Variants in COL4A6 observed in about 807,000 individuals in gnomAD.
COL4A6 encodes the protein collagen alpha-6(IV) chain.
A neutral mutation model predicts 126.7 loss-of-function variants in COL4A6; 59 were observed. The observed-to-expected ratio is 0.47, with a 90% confidence interval of 0.38 to 0.58. The LOEUF (loss-of-function observed/expected upper bound fraction) is 0.58. Ranked by LOEUF, COL4A6 falls within the 20% of genes least tolerant of loss-of-function variation. The pLI is 0.00. For missense variants in COL4A6, 1,285 were observed against 1,337.3 expected, an observed-to-expected ratio of 0.96 and a Z score of 0.61; for synonymous variants, 547 against 496.6, an observed-to-expected ratio of 1.10 and a Z score of -1.35.
chrX:108,339,645 T>G (rs1278890897), intron 2 of COL4A6, among the ~76,000 whole-genome samples: 1 of 111,459 alleles, frequency 9.0e-6, no homozygotes, highest in East Asian at 2.8e-4. Flanking sequence ...GAACATATTT[T>G]GATCACAGGA....
intron 2 of COL4A6, among the ~76,000 whole-genome samples, chrX:108,401,138 C>T (rs1176389104): frequency 9.0e-6 from 1 of 111,313 alleles, no homozygotes; most frequent in Non-Finnish European, 1.9e-5. Context: ...GTGCTACCTT[C>T]ACTATTTATT....
chrX:108,200,012 A>G (rs868384860), intron 13 of COL4A6, among the ~76,000 whole-genome samples: 1 of 112,048 alleles, frequency 8.9e-6, no homozygotes, highest in African/African-American at 3.2e-5. Flanking sequence ...CAGTACAAGG[A>G]AGATAAGCCT....
chrX:108,156,536 A>G lies in COL4A6; in HGVS notation c.*464T>C. 1 of 136,686 alleles carries G rather than the reference A, an allele frequency of 7.3e-6. No homozygotes were observed. Among genetic ancestry groups the G allele is most frequent in the Non-Finnish European group, 1.5e-5 (1 of 68,437 alleles). The allele number at this position is 136,686 out of a possible 1,213,427, so 11.3% of individuals were successfully genotyped here. On this transcript the variant is annotated 3_prime_UTR_variant, in exon 45 of 45. Coordinates refer to ENST00000334504, the MANE Select transcript of COL4A6 (RefSeq NM_033641.4). The stretch of plus-strand genomic sequence containing the variant: ...AAGAGTGAGGACTTGCTCTGTGCAG[A>G]CTTGAGCCATCCATGAATATTCGGT...
intron 3 of COL4A6, among the ~76,000 whole-genome samples, chrX:108,251,566 C>T (rs1363358100): frequency 8.9e-6 from 1 of 111,820 alleles, no homozygotes; most frequent in Non-Finnish European, 1.9e-5. Context: ...CATATTTGCT[C>T]ATCTGTTCAA....
chrX:108,314,595 C>T (rs952062987), intron 2 of COL4A6, among the ~76,000 whole-genome samples: 1 of 111,926 alleles, frequency 8.9e-6, no homozygotes, highest in Non-Finnish European at 1.9e-5. Flanking sequence ...ATTTATTTTA[C>T]TCCTTTGTAT....
chrX:108,280,264 AAAAGAGAGAAGAATC>A (rs1434384957), intron 3 of COL4A6, among the ~76,000 whole-genome samples: 2 of 111,641 alleles, frequency 1.8e-5, no homozygotes, highest in African/African-American at 6.5e-5. Context: ...AATAAAGAAG[AAAAGAGAGAAGAATC>A]AAATAGACGC....
chrX:108,250,960 T>C (rs932329109), intron 3 of COL4A6, among the ~76,000 whole-genome samples: 3 of 111,354 alleles, frequency 2.7e-5, no homozygotes, highest in Middle Eastern at 4.3e-3. Flanking sequence ...AACTGTTCAG[T>C]GGCTGGCAGG....
chrX:108,206,620 A>T (rs764482899), intron 8 of COL4A6, 40 bp from the exon 9 acceptor site: 2 of 1,116,695 alleles, frequency 1.8e-6, no homozygotes, highest in Non-Finnish European at 2.5e-6. Context: ...AAAGCAAGGC[A>T]GTTTTCCAAG....
chrX:108,382,798 T>A (rs1219944500), intron 2 of COL4A6, among the ~76,000 whole-genome samples: 1 of 107,741 alleles, frequency 9.3e-6, no homozygotes, highest in East Asian at 2.9e-4. Flanking sequence ...AATACAAAAA[T>A]TAGCTGGGCG....
At chrX:108,413,851 TA>T (rs2041379526) in intron 2 of COL4A6, among the ~76,000 whole-genome samples, 1 of 111,894 alleles carries the variant, frequency 8.9e-6, no homozygotes, top group African/African-American at 3.2e-5. Context: ...ACAGTGTGGA[TA>T]ATATCTGGTG....
At chrX:108,432,960 A>G (rs970648339) in intron 2 of COL4A6, among the ~76,000 whole-genome samples, 2 of 112,210 alleles carry the variant, frequency 1.8e-5, no homozygotes, top group African/African-American at 6.5e-5. Flanking sequence ...GACTGCAAAT[A>G]AGCCATTGGG....
chrX:108,319,283 T>A (rs1195096820), intron 2 of COL4A6, among the ~76,000 whole-genome samples: 2 of 112,008 alleles, frequency 1.8e-5, no homozygotes, highest in African/African-American at 6.5e-5. Flanking sequence ...GGCAGGAGGA[T>A]CACTGGAGCC....
At chrX:108,410,308 C>A (rs1425209356) in intron 2 of COL4A6, among the ~76,000 whole-genome samples, 1 of 111,606 alleles carries the variant, frequency 9.0e-6, no homozygotes, top group Admixed American at 9.5e-5. Context: ...TGAACACCTA[C>A]TCTGAGTAGA....
chrX:108,395,887 T>A (rs1259561135), intron 2 of COL4A6, among the ~76,000 whole-genome samples: 1 of 111,717 alleles, frequency 9.0e-6, no homozygotes, highest in Non-Finnish European at 1.9e-5. Context: ...ACAAGCATGA[T>A]TTTTGTTCTT....
chrX:108,413,962 T>G (rs988902160), intron 2 of COL4A6, among the ~76,000 whole-genome samples: 14 of 111,803 alleles, frequency 1.3e-4, no homozygotes, highest in African/African-American at 4.2e-4. Context: ...AAAATGCAGG[T>G]TGAGGGTTAA....
At chrX:108,340,749 A>T (rs1355404163) in intron 2 of COL4A6, among the ~76,000 whole-genome samples, 7 of 107,661 alleles carry the variant, frequency 6.5e-5, no homozygotes, top group Non-Finnish European at 3.8e-5. Context: ...AAAAATATAA[A>T]GACATACATA....
At position 108,254,813 on chromosome X, in the gene COL4A6, T is replaced by G. The variant is rs1041561868; in HGVS notation, c.145-33439A>C. ...CTTGGGGGAATTGTGTGGAATGGAA[T>G]AGAGGTCAGAGGTGAGTACATGCCA... On this transcript the variant is annotated intron_variant, in intron 3 of 44. Coordinates refer to ENST00000334504, the MANE Select transcript of COL4A6 (RefSeq NM_033641.4). Among the ~76,000 whole-genome samples the G allele has an allele frequency of 3.6e-5, 4 of 110,121 alleles. No homozygotes were observed. In the Admixed American group the frequency reaches 3.9e-4, roughly 11 times the overall value.
intron 2 of COL4A6, among the ~76,000 whole-genome samples, chrX:108,401,835 GTACTATTGTGGGGA>G: frequency 9.0e-6 from 1 of 111,055 alleles, no homozygotes; most frequent in African/African-American, 3.3e-5. Context: ...AGTTATCCAT[GTACTATTGTGGGGA>G]AATCTCTCTA....
At chrX:108,162,299 G>T (rs1407451098) in intron 41 of COL4A6, among the ~76,000 whole-genome samples, 1 of 109,793 alleles carries the variant, frequency 9.1e-6, no homozygotes, top group Non-Finnish European at 1.9e-5. Flanking sequence ...GCAGTGAGGT[G>T]AGATGGCACC....
Sources: gnomAD v4.1 joint callset for allele counts (sites outside exome capture counted in the v4.1 genomes callset) on GRCh38, gnomAD v4.1.1 for gene constraint, MANE v1.5 for transcripts, NCBI Gene and HGNC (gene_info 2026-07-23, HGNC 2026-07-21) for gene names.